The following TPRG1 variants were observed in gnomAD, a reference collection of about 807,000 sequenced individuals.
TPRG1 encodes the protein tumor protein p63-regulated gene 1 protein.
In TPRG1, 29 loss-of-function variants were observed where a neutral mutation model predicts 29.3. The ratio of observed to expected loss-of-function variants is 0.99; its 90% CI spans 0.74 to 1.35. TPRG1 has a LOEUF of 1.35. Among genes scored for constraint, TPRG1 ranks in the 40% most tolerant of loss-of-function variants. The pLI, the probability that TPRG1 is intolerant of heterozygous loss-of-function variation, is 0.00. For missense variants in TPRG1, 327 were observed against 335.0 expected, an observed-to-expected ratio of 0.98 and a Z score of 0.19; for synonymous variants, 130 against 116.8, an observed-to-expected ratio of 1.11 and a Z score of -0.73.
chr3:189,231,943 T>TTTTGTGTGTG (rs984741268), intron 3 of TPRG1, among the ~76,000 whole-genome samples: 3 of 147,588 alleles, frequency 2.0e-5, no homozygotes, highest in African/African-American at 7.4e-5. Context: ...CAAACCTGGT[T>TTTTGTGTGTG]TGTGTGTGTG....
intron 2 of TPRG1, among the ~76,000 whole-genome samples, chr3:189,209,356 G>A (rs933844337): frequency 3.9e-5 from 6 of 152,100 alleles, no homozygotes; most frequent in African/African-American, 9.7e-5. Flanking sequence ...TATTACACAG[G>A]TGTCTCTTGT....
intron 4 of TPRG1, among the ~76,000 whole-genome samples, chr3:189,251,517 G>A (rs1041122290): frequency 4.6e-5 from 7 of 152,092 alleles, no homozygotes; most frequent in Non-Finnish European, 8.8e-5. Context: ...GGAGGATCCC[G>A]CCAGCCTCTG....
chr3:189,133,052 G>C (rs1043514699), intron 3 of TPRG1, among the ~76,000 whole-genome samples: 9 of 152,178 alleles, frequency 5.9e-5, no homozygotes, highest in African/African-American at 2.2e-4. Context: ...GGAAAACAGA[G>C]GTGGGTCTTG....
chr3:189,020,034 T>C (rs574050991), intron 3 of TPRG1, among the ~76,000 whole-genome samples: 12 of 152,004 alleles, frequency 7.9e-5, no homozygotes, highest in Non-Finnish European at 1.5e-4. Flanking sequence ...GTGTTTGTAG[T>C]ATTCTCTGAT....
chr3:189,071,380 C>T (rs1176463437), intron 4 of TPRG1, among the ~76,000 whole-genome samples: 1 of 152,022 alleles, frequency 6.6e-6, no homozygotes, highest in Non-Finnish European at 1.5e-5. Context: ...ATTGTTCATC[C>T]ATTTTATACT....
chr3:189,274,090 T>C (rs1715686705), intron 4 of TPRG1, among the ~76,000 whole-genome samples: 1 of 150,568 alleles, frequency 6.6e-6, no homozygotes, highest in Admixed American at 6.6e-5. Flanking sequence ...TCTTTATCTT[T>C]TAACTTCTCG....
intron 1 of TPRG1, among the ~76,000 whole-genome samples, chr3:189,114,134 T>C (rs1029871666): frequency 6.6e-6 from 1 of 152,148 alleles, no homozygotes; most frequent in Non-Finnish European, 1.5e-5. Context: ...AAGATAATTT[T>C]ATTGTGGGGT....
Position 189,206,541 on chromosome 3 carries a change from C to T in TPRG1, c.-9-835C>T, listed in dbSNP as rs559950376. On this transcript the variant is annotated intron_variant, in intron 1 of 5. Transcript: ENST00000345063. ...TTTGAGACAGGGTCTTGCTCTGTTG[C>T]CTAGCCTGGAGTGCAGTGGCATGAT... Among the ~76,000 whole-genome samples the T allele has an allele frequency of 2.7e-5, 4 of 145,546 alleles. No individual in the cohort carries two copies. The East Asian group carries it at 8.0e-4, about 29-fold the overall frequency.
chr3:189,011,171 T>C (rs887791711), intron 3 of TPRG1, among the ~76,000 whole-genome samples: 4 of 152,330 alleles, frequency 2.6e-5, no homozygotes, highest in Non-Finnish European at 4.4e-5. Context: ...TGTAGCCTTG[T>C]AGTATAGTTT....
intron 4 of TPRG1, among the ~76,000 whole-genome samples, chr3:189,064,197 T>C (rs968569576): frequency 3.3e-5 from 5 of 152,094 alleles, no homozygotes; most frequent in Non-Finnish European, 7.4e-5. Context: ...AAGATCCAGG[T>C]CCCCAAAGGA....
chr3:189,308,549 A>G (rs1721971567), intron 4 of TPRG1, among the ~76,000 whole-genome samples: 1 of 152,216 alleles, frequency 6.6e-6, no homozygotes, highest in African/African-American at 2.4e-5. Flanking sequence ...GAGCTCAGGA[A>G]AGAAGGTTGG....
chr3:189,106,103 A>C (rs769670658), intron 1 of TPRG1, among the ~76,000 whole-genome samples: 3 of 151,986 alleles, frequency 2.0e-5, no homozygotes, highest in Non-Finnish European at 2.9e-5. Flanking sequence ...CTGTTCTACC[A>C]GAAACAAAAC....
At chr3:189,006,623 G>A (rs1240416397) in intron 3 of TPRG1, among the ~76,000 whole-genome samples, 1 of 152,110 alleles carries the variant, frequency 6.6e-6, no homozygotes, top group Non-Finnish European at 1.5e-5. Context: ...ACAAGAAAGT[G>A]TGTGGAGTGG....
intron 4 of TPRG1, among the ~76,000 whole-genome samples, chr3:189,286,749 A>AG: frequency 6.6e-6 from 1 of 152,232 alleles, no homozygotes; most frequent in South Asian, 2.1e-4. Context: ...AGTTGCACAC[A>AG]GGAAAGTTCA....
At chr3:189,231,288 A>ATATATATG (rs1738608525) in intron 3 of TPRG1, among the ~76,000 whole-genome samples, 1 of 150,654 alleles carries the variant, frequency 6.6e-6, no homozygotes, top group African/African-American at 2.4e-5. Context: ...ATATATATGC[A>ATATATATG]CACACACATA....
In TPRG1 at chr3:189,080,966, C is replaced by T. The variant is rs117883453; in HGVS notation, c.-462-46091C>T. On this transcript the variant is annotated intron_variant, in intron 4 of 10. Coordinates refer to the TPRG1 transcript ENST00000433971. ...CAAAGGAAGCTACTGAGATAAGTTA[C>T]ACGTGGGCCAGCTAGAGTCTTGTCA... Among the ~76,000 whole-genome samples, 101 of 152,168 alleles carry T rather than the reference C, an allele frequency of 6.6e-4. 2 individuals are homozygous for T. In the East Asian group the frequency reaches 0.018, roughly 28 times the overall value.
chr3:189,121,456 G>C (rs754696657), intron 1 of TPRG1: 1 of 152,178 alleles, frequency 6.6e-6, no homozygotes, highest in Non-Finnish European at 1.5e-5. Flanking sequence ...TTGGAAGACA[G>C]GATTGTTTAT....
intron 4 of TPRG1, among the ~76,000 whole-genome samples, chr3:189,068,635 G>T (rs904447728): frequency 3.3e-5 from 5 of 152,122 alleles, no homozygotes; most frequent in African/African-American, 1.2e-4. Context: ...AATTAGCCAG[G>T]CGTGGTGGCG....
intron 1 of TPRG1, among the ~76,000 whole-genome samples, chr3:189,187,868 G>A (rs988698051): frequency 2.0e-5 from 3 of 152,140 alleles, no homozygotes; most frequent in East Asian, 1.9e-4. Context: ...TTCTGAAAGC[G>A]TTGACGTAAT....
Sources: gnomAD v4.1 joint callset for allele counts (sites outside exome capture counted in the v4.1 genomes callset) on GRCh38, gnomAD v4.1.1 for gene constraint, MANE v1.5 for transcripts, NCBI Gene and HGNC (gene_info 2026-07-23, HGNC 2026-07-21) for gene names.